Variants in DPH6 observed in about 807,000 individuals in gnomAD.
DPH6 encodes diphthamine biosynthesis 6.
DPH6 carries 33 observed loss-of-function variants against 38.2 expected under a neutral mutation model. The observed-to-expected ratio is 0.86, with a 90% CI of 0.65 to 1.15. The LOEUF (loss-of-function observed/expected upper bound fraction) is 1.15, where lower values mean the gene tolerates loss of function less well. Ranked by LOEUF, DPH6 falls within the 50% of genes most tolerant of loss-of-function variation. The probability of loss-of-function intolerance (pLI) is 0.00; values close to 1 mark genes in which losing one functional copy is unlikely to be tolerated. For synonymous variants in DPH6, 108 were observed against 103.0 expected, an observed-to-expected ratio of 1.05 and a Z score of -0.30; for missense variants, 325 against 320.0, an observed-to-expected ratio of 1.02 and a Z score of -0.12.
Position 35,268,172 on chromosome 15 carries a change from AAAATAAATAAATAAAT to A in DPH6, n.201-47606_201-47591del, listed in dbSNP as rs200566883. Among the ~76,000 whole-genome samples, 102 of 140,526 alleles carry A rather than the reference AAAATAAATAAATAAAT, an allele frequency of 7.3e-4. 6 individuals are homozygous for A. The highest frequency in any genetic ancestry group is 1.7e-3 in the East Asian group (8 of 4,846). 92.2% of individuals were successfully genotyped at this position (140,526 alleles called of 152,430 possible). On this transcript the variant is annotated intron_variant and non_coding_transcript_variant, in intron 3 of 3. Coordinates refer to the DPH6 transcript ENST00000560386. ...GCGACAGAGCGAGACTCTGTCTCAA[AAAATAAATAAATAAAT>A]AAATAAATAAATAAATAAATAAATA...
At chr15:35,327,866 T>A (rs1420258190), downstream of DPH6, among the ~76,000 whole-genome samples, 1 of 152,158 alleles carries the variant, frequency 6.6e-6, no homozygotes, top group African/African-American at 2.4e-5. Flanking sequence ...CTAGTTTGAC[T>A]CTCTACCTCA....
the DPH6 span, among the ~76,000 whole-genome samples, chr15:35,146,830 A>G: frequency 6.6e-6 from 1 of 152,120 alleles, no homozygotes; most frequent in African/African-American, 2.4e-5. Context: ...ATCTACCATG[A>G]CCTTATCACC....
At position 35,298,796 on chromosome 15, in the gene DPH6, G is replaced by A. The variant is rs182307694; in HGVS notation, n.200+74725C>T. 1.0e-5 allele frequency: 12 copies of A among 1,193,530 alleles called. No homozygotes were observed. In the East Asian group the frequency reaches 2.8e-4, roughly 28 times the overall value. The allele number at this position is 1,193,530 out of a possible 1,614,324, so 73.9% of individuals were successfully genotyped here. On this transcript the variant is annotated intron_variant and non_coding_transcript_variant, in intron 3 of 3. Coordinates refer to the DPH6 transcript ENST00000560386. ...GCGCTGGGCCGGGTTGGAGATCTCG[G>A]TCTGTCTTGTTCCTCGTACACTGGG...
At chr15:35,375,224 A>T (rs11854288) in intron 7 of DPH6, among the ~76,000 whole-genome samples, 46,033 of 151,970 alleles carry the variant, frequency 0.3, 7,695 homozygotes, top group African/African-American at 0.44. Flanking sequence ...AATAGCTTAA[A>T]TGATCTGAAT....
chr15:35,443,103 A>G (rs9920994), intron 5 of DPH6, among the ~76,000 whole-genome samples: 96,394 of 152,074 alleles, frequency 0.63, 34,756 homozygotes, highest in South Asian at 0.84. Flanking sequence ...TGCTCAGACA[A>G]TACAGATAAA....
At chr15:35,297,496 A>AT (rs1031924736) in intron 3 of DPH6, among the ~76,000 whole-genome samples, 2 of 151,374 alleles carry the variant, frequency 1.3e-5, no homozygotes, top group African/African-American at 2.4e-5. Flanking sequence ...CTAATTCTTT[A>AT]TTTTTTTCCC....
chr15:35,478,707 AT>A (rs1248348456), intron 3 of DPH6, among the ~76,000 whole-genome samples: 2 of 151,950 alleles, frequency 1.3e-5, no homozygotes, highest in African/African-American at 4.8e-5. Flanking sequence ...AAAGGAGATC[AT>A]TTTTAACCTG....
At chr15:35,384,515 T>C (rs1328072161) in intron 6 of DPH6, among the ~76,000 whole-genome samples, 1 of 152,034 alleles carries the variant, frequency 6.6e-6, no homozygotes, top group African/African-American at 2.4e-5. Context: ...TCTGCAGATA[T>C]TGCCAGGTGT....
chr15:35,391,095 A>G (rs2053049508), intron 6 of DPH6, among the ~76,000 whole-genome samples: 1 of 152,098 alleles, frequency 6.6e-6, no homozygotes, highest in African/African-American at 2.4e-5. Context: ...GTTGGACTTT[A>G]CTGGAGGTCC....
chr15:35,358,183 C>T (rs758339314), intron 3 of DPH6, among the ~76,000 whole-genome samples: 3 of 152,112 alleles, frequency 2.0e-5, no homozygotes, highest in Non-Finnish European at 4.4e-5. Context: ...TGAGACTTTC[C>T]AGAGTATTTC....
intron 6 of DPH6, among the ~76,000 whole-genome samples, chr15:35,409,100 C>T (rs1195835180): frequency 6.6e-6 from 1 of 151,750 alleles, no homozygotes; most frequent in Non-Finnish European, 1.5e-5. Flanking sequence ...CAGGTAGGGC[C>T]TCAGCCATAT....
chr15:35,493,655 G>C (rs1482866745), intron 3 of DPH6, among the ~76,000 whole-genome samples: 1 of 152,060 alleles, frequency 6.6e-6, no homozygotes, highest in Non-Finnish European at 1.5e-5. Context: ...TATGGAAACT[G>C]AGGGTCATGA....
intron 3 of DPH6, among the ~76,000 whole-genome samples, chr15:35,315,314 T>C (rs1053248238): frequency 6.6e-6 from 1 of 152,202 alleles, no homozygotes; most frequent in Non-Finnish European, 1.5e-5. Flanking sequence ...TTCCAAGAGT[T>C]TGTTGAATCC....
At chr15:35,474,397 CA>C (rs1417872564) in intron 3 of DPH6, among the ~76,000 whole-genome samples, 1 of 152,072 alleles carries the variant, frequency 6.6e-6, no homozygotes, top group African/African-American at 2.4e-5. Flanking sequence ...TACTGAGGAC[CA>C]GTTACATTCT....
At chr15:35,400,821 G>A (rs2140976623) in intron 6 of DPH6, 7 of 764,854 alleles carry the variant, frequency 9.2e-6, no homozygotes, top group South Asian at 4.1e-5. Context: ...CGGACTGTGT[G>A]ATAATGAGAG....
rs184327683 is a variant in DPH6 at position 35,489,615 on chromosome 15, A to C, written c.313-34795T>G. 301 of 982,608 alleles carry C rather than the reference A, an allele frequency of 3.1e-4. 1 individual carries two copies. In the African/African-American group the frequency reaches 5.0e-3, roughly 16 times the overall value. The allele number at this position is 982,608 out of a possible 1,614,324, so 60.9% of individuals were successfully genotyped here. On this transcript the variant is annotated intron_variant, in intron 3 of 8. Transcript: ENST00000256538. Reference sequence around the variant, plus strand: ...TACCTACCCAAGAGCAAATATTTAGAAAGTTCTCTGCAACATAATGTTAAG... The same window carrying C: ...TACCTACCCAAGAGCAAATATTTAGCAAGTTCTCTGCAACATAATGTTAAG...
the DPH6 span, among the ~76,000 whole-genome samples, chr15:35,181,378 T>A: frequency 8.3e-6 from 1 of 120,356 alleles, no homozygotes; most frequent in African/African-American, 2.8e-5. Flanking sequence ...GGTGCCAACA[T>A]ATGTAAACGC....
chr15:35,235,371 C>A (rs963829724), intron 3 of DPH6, among the ~76,000 whole-genome samples: 9 of 152,134 alleles, frequency 5.9e-5, no homozygotes, highest in Admixed American at 2.0e-4. Flanking sequence ...TCCTGACCTT[C>A]GTTTATAAAC....
intron 3 of DPH6, among the ~76,000 whole-genome samples, chr15:35,267,011 T>C (rs933481921): frequency 1.3e-5 from 2 of 152,166 alleles, no homozygotes; most frequent in South Asian, 2.1e-4. Flanking sequence ...GCAGCAATAG[T>C]AGAGTTCAAT....
Sources: gnomAD v4.1 joint callset for allele counts (sites outside exome capture counted in the v4.1 genomes callset) on GRCh38, gnomAD v4.1.1 for gene constraint, MANE v1.5 for transcripts, NCBI Gene and HGNC (gene_info 2026-07-23, HGNC 2026-07-21) for gene names.